The following RAB1A variants were observed in gnomAD, a reference collection of about 807,000 sequenced individuals.
RAB1A encodes the protein RAB1A, member RAS oncogene family.
RAB1A carries 2 observed loss-of-function variants against 26.0 expected under a neutral mutation model. That is an observed-to-expected ratio of 0.08 (90% confidence interval 0.03 to 0.24). The LOEUF (loss-of-function observed/expected upper bound fraction) is 0.24, where lower values mean the gene tolerates loss of function less well. RAB1A is among the 10% of genes least tolerant of loss of function. RAB1A has a pLI of 1.00. For synonymous variants in RAB1A, 84 were observed against 84.9 expected, an observed-to-expected ratio of 0.99 and a Z score of 0.06; for missense variants, 100 against 247.0, an observed-to-expected ratio of 0.40 and a Z score of 3.99.
intron 1 of RAB1A, among the ~76,000 whole-genome samples, chr2:65,123,133 G>T (rs1670011113): frequency 6.6e-6 from 1 of 151,692 alleles, no homozygotes. Flanking sequence ...GATTGCTATG[G>T]AAGGTGAATA....
At chr2:65,103,304 A>C (rs115495096) in intron 2 of RAB1A, among the ~76,000 whole-genome samples, 3 of 112,524 alleles carry the variant, frequency 2.7e-5, no homozygotes, top group Admixed American at 2.0e-4. Context: ...TGTCTCAAAA[A>C]AAAAAAAAAA....
intron 1 of RAB1A, among the ~76,000 whole-genome samples, chr2:65,116,177 TA>T (rs1669821649): frequency 6.6e-6 from 1 of 151,634 alleles, no homozygotes; most frequent in South Asian, 2.1e-4. Context: ...ATAAATTAAA[TA>T]AAATAAAAAT....
At chr2:65,105,111 C>G in intron 1 of RAB1A, among the ~76,000 whole-genome samples, 1 of 152,146 alleles carries the variant, frequency 6.6e-6, no homozygotes. Context: ...GCCCAAGATA[C>G]TTAAAACATT....
chr2:65,122,155 C>T (rs13023859), intron 1 of RAB1A, among the ~76,000 whole-genome samples: 2,647 of 31,614 alleles, frequency 0.084, 348 homozygotes, highest in Middle Eastern at 0.28. Flanking sequence ...GACTCTATCT[C>T]AAAAAAAAAA....
intron 1 of RAB1A, among the ~76,000 whole-genome samples, chr2:65,110,048 G>A (rs10207159): frequency 0.9 from 136,313 of 152,220 alleles, 61,152 homozygotes; most frequent in East Asian, 1. Flanking sequence ...GGCCTCTTTC[G>A]TTGTGAGATA....
chr2:65,102,416 C>T (rs146252257), intron 2 of RAB1A, among the ~76,000 whole-genome samples: 1 of 151,970 alleles, frequency 6.6e-6, no homozygotes, highest in Non-Finnish European at 1.5e-5. Context: ...AATATCGGCA[C>T]TCATCAGAAA....
chr2:65,127,011 C>G (rs1309488112), intron 1 of RAB1A, among the ~76,000 whole-genome samples: 1 of 152,182 alleles, frequency 6.6e-6, no homozygotes, highest in Non-Finnish European at 1.5e-5. Flanking sequence ...GTAATTTTCA[C>G]TAACACTTTT....
intron 1 of RAB1A, among the ~76,000 whole-genome samples, chr2:65,119,913 G>A (rs1219103538): frequency 1.3e-5 from 2 of 150,084 alleles, no homozygotes; most frequent in Admixed American, 6.6e-5. Context: ...AGTTAGCTCG[G>A]CTCAAAAAAG....
At chr2:65,120,878 G>A (rs979248345) in intron 1 of RAB1A, among the ~76,000 whole-genome samples, 2 of 152,050 alleles carry the variant, frequency 1.3e-5, no homozygotes, top group Non-Finnish European at 2.9e-5. Context: ...ATTGTTCTTG[G>A]AAAACATGAA....
intron 2 of RAB1A, among the ~76,000 whole-genome samples, chr2:65,100,983 T>C (rs1156573213): frequency 6.6e-6 from 1 of 151,584 alleles, no homozygotes; most frequent in African/African-American, 2.4e-5. Flanking sequence ...CCATCTCTAC[T>C]AAAAATACAA....
chr2:65,092,808 A>C (rs1261644806), intron 3 of RAB1A, among the ~76,000 whole-genome samples: 1 of 152,176 alleles, frequency 6.6e-6, no homozygotes, highest in African/African-American at 2.4e-5. Context: ...CTCAAGTTGT[A>C]ATCACTGAGG....
At chr2:65,125,914 C>T (rs1279637200) in intron 1 of RAB1A, among the ~76,000 whole-genome samples, 3 of 132,212 alleles carry the variant, frequency 2.3e-5, no homozygotes, top group South Asian at 2.4e-4. Context: ...CTCTGTTGCC[C>T]AGGCTGGAGT....
At position 65,091,507 on chromosome 2, in the gene RAB1A, C is replaced by T. The variant is rs562243616; in HGVS notation, c.193-429G>A. ...CAAATAACTACCAGTCAAGACAGAA[C>T]TTTAATCATCCCAAGCAGGTGTCTT... On this transcript the variant is annotated intron_variant, in intron 3 of 5. Transcript: ENST00000409784. Among the ~76,000 whole-genome samples the T allele has an allele frequency of 2.6e-5, 4 of 152,244 alleles. No individual in the cohort carries two copies. In the East Asian group the frequency reaches 7.7e-4, roughly 29 times the overall value.
chr2:65,120,390 AG>A (rs1669933973), intron 1 of RAB1A, among the ~76,000 whole-genome samples: 1 of 133,906 alleles, frequency 7.5e-6, no homozygotes, highest in Admixed American at 8.8e-5. Flanking sequence ...TGGGAGGTGG[AG>A]GTTGCAGTGA....
At chr2:65,089,772 G>A (rs1423371483) in intron 4 of RAB1A, among the ~76,000 whole-genome samples, 1 of 148,664 alleles carries the variant, frequency 6.7e-6, no homozygotes, top group Non-Finnish European at 1.5e-5. Flanking sequence ...GCGCGATCTC[G>A]GCTCACTGCA....
intron 4 of RAB1A, among the ~76,000 whole-genome samples, chr2:65,089,297 C>T (rs1379374811): frequency 2.6e-5 from 4 of 152,068 alleles, no homozygotes; most frequent in Admixed American, 6.5e-5. Flanking sequence ...ACTGCACCCT[C>T]GACCTCCCAA....
At chr2:65,102,559 GTT>G (rs770717473) in intron 2 of RAB1A, among the ~76,000 whole-genome samples, 6 of 150,732 alleles carry the variant, frequency 4.0e-5, no homozygotes, top group Non-Finnish European at 7.4e-5. Flanking sequence ...GACTATCACA[GTT>G]CATCTGAGAA....
intron 5 of RAB1A, 49 bp downstream of exon 5, chr2:65,088,890 A>G (rs779334829): frequency 1.3e-6 from 2 of 1,546,616 alleles, no homozygotes; most frequent in Non-Finnish European, 1.8e-6. Flanking sequence ...GAACCCATAC[A>G]TAATTCAACA....
chr2:65,129,038 C>G (rs1670170631), intron 1 of RAB1A, among the ~76,000 whole-genome samples: 1 of 152,066 alleles, frequency 6.6e-6, no homozygotes, highest in Non-Finnish European at 1.5e-5. Flanking sequence ...AGCAGGTAAT[C>G]CAAAACCTAC....
Sources: gnomAD v4.1 joint callset for allele counts (sites outside exome capture counted in the v4.1 genomes callset) on GRCh38, gnomAD v4.1.1 for gene constraint, MANE v1.5 for transcripts, NCBI Gene and HGNC (gene_info 2026-07-23, HGNC 2026-07-21) for gene names.